C12orf57: variants seen among roughly 807,000 people sequenced by gnomAD.
C12orf57 encodes the protein protein C10.
In C12orf57, 14 loss-of-function variants were observed where a neutral mutation model predicts 11.3. That is an observed-to-expected ratio of 1.24 (90% CI 0.82 to 1.94). The LOEUF is 1.94. Among genes scored for constraint, C12orf57 ranks in the 30% most tolerant of loss-of-function variants. The pLI is 0.00. For missense variants in C12orf57, 229 were observed against 172.4 expected (o/e 1.33, Z -1.84); for synonymous variants, 100 against 74.6 (o/e 1.34, Z -1.76).
upstream of C12orf57, chr12:6,943,793 C>T (rs1341309613): frequency 1.6e-5 from 15 of 935,080 alleles, no homozygotes; most frequent in South Asian, 8.5e-5. Context: ...TATATCCCAT[C>T]TTCTCTCCAA....
rs782165395 is a variant in C12orf57 at position 6,945,900 on chromosome 12, G to A, written c.359G>A (p.Gly120Asp). Residue 120 changes from glycine (G) to aspartate (D), a missense_variant, in exon 3 of 3, where the codon GGT becomes GAT. By Grantham distance (94) the Gly-to-Asp change is moderately conservative. Coordinates refer to ENST00000229281, the MANE Select transcript of C12orf57 (RefSeq NM_138425.4). ...MTLPPHGPAA[G>D]GSVAAS Reference sequence around the variant, plus strand: ...CTGCCACCCCATGGGCCTGCTGCTGGTGGCAGCGTGGCCGCCTCCTGAGAG... The same window carrying A: ...CTGCCACCCCATGGGCCTGCTGCTGATGGCAGCGTGGCCGCCTCCTGAGAG... 4 of 1,612,584 alleles carry A rather than the reference G, an allele frequency of 2.5e-6. No individual in the cohort carries two copies. The South Asian group carries it at 4.4e-5, about 18-fold the overall frequency.
At chr12:6,944,222 A>G (rs1591673973) in intron 1 of C12orf57, 49 bp downstream of exon 1, 1 of 1,592,782 alleles carries the variant, frequency 6.3e-7, no homozygotes, top group East Asian at 2.2e-5. Context: ...GGGGTAGTCA[A>G]GGCATGGGCT....
chr12:6,943,815 G>C (rs61917871), upstream of C12orf57: 113 of 843,112 alleles, frequency 1.3e-4, no homozygotes, highest in South Asian at 4.5e-4. Context: ...CACATACGCA[G>C]CAGTGTTACA....
At chr12:6,943,892 T>A, upstream of C12orf57, 2 of 1,068,372 alleles carry the variant, frequency 1.9e-6, no homozygotes, top group Non-Finnish European at 2.6e-6. Flanking sequence ...ATGATGTTTG[T>A]TGCCAATGAT....
At chr12:6,944,907 C>T (rs913039734) in intron 2 of C12orf57, 92 of 1,369,844 alleles carry the variant, frequency 6.7e-5, no homozygotes, top group Non-Finnish European at 8.5e-5. Context: ...CGGGTTTTTT[C>T]AGATTTCGGA....
rs1469758495 is a variant in C12orf57 at position 6,945,016 on chromosome 12, G to A, written c.229+364G>A. The A allele has an allele frequency of 8.0e-6, 4 of 501,008 alleles. No homozygotes were observed. In the Admixed American group the frequency reaches 1.2e-4, roughly 15 times the overall value. The allele number at this position is 501,008 out of a possible 1,614,324, so 31.0% of individuals were successfully genotyped here. ...ACGCACCTTATGCACATAGCCTGAG[G>A]GTAATTTTATATAATAGTCTGAATA... On this transcript the variant is annotated intron_variant, in intron 2 of 2. Transcript: ENST00000229281.
At chr12:6,944,683 G>A in intron 2 of C12orf57, 31 bp downstream of exon 2, 2 of 1,602,366 alleles carry the variant, frequency 1.2e-6, no homozygotes, top group Admixed American at 3.3e-5. Flanking sequence ...CGGGTCAGAC[G>A]CGGGAAGGCG....
Position 6,944,031 on chromosome 12 carries a change from T to A in C12orf57, c.-91T>A. On this transcript the variant is annotated 5_prime_UTR_variant, in exon 1 of 3. Transcript: ENST00000229281. ...GCGCCGGATGCTGTTTCCTTTCCGC[T>A]CCCAGGGGCGTTGGGAACGGTTGTA... The A allele has an allele frequency of 6.2e-7, 1 of 1,608,482 alleles. No individual in the cohort carries two copies. Among genetic ancestry groups the A allele is most frequent in the Non-Finnish European group, 8.5e-7 (1 of 1,179,058 alleles).
At chr12:6,945,372 G>T (rs781969258) in intron 2 of C12orf57, among the ~76,000 whole-genome samples, 4 of 152,094 alleles carry the variant, frequency 2.6e-5, no homozygotes, top group Admixed American at 6.6e-5. Flanking sequence ...GTTTGGGGGG[G>T]GTTGGTGGTT....
chr12:6,944,041 G>T lies in C12orf57; in HGVS notation c.-81G>T, dbSNP rs919318955. 9.3e-6 allele frequency: 15 copies of T among 1,610,948 alleles called. No homozygotes were observed. The highest frequency in any genetic ancestry group is 2.2e-5 in the South Asian group (2 of 90,992). ...CTGTTTCCTTTCCGCTCCCAGGGGCGTTGGGAACGGTTGTAGGACGTGGCT... is the reference window on the plus strand; with the variant it reads ...CTGTTTCCTTTCCGCTCCCAGGGGCTTTGGGAACGGTTGTAGGACGTGGCT... On this transcript the variant is annotated 5_prime_UTR_variant, in exon 1 of 3. Coordinates refer to ENST00000229281, the MANE Select transcript of C12orf57 (RefSeq NM_138425.4).
At position 6,944,114 on chromosome 12, in the gene C12orf57, GA is replaced by G. The variant is rs781802135; in HGVS notation, c.-7del. On this transcript the variant is annotated 5_prime_UTR_variant, in exon 1 of 3. Transcript: ENST00000229281. The stretch of plus-strand genomic sequence containing the variant: ...TACCTCCGCTGAACCTAGAGCTTCA[GA>G]CGCCCTATGGCGTCCGCCTCGACCC... 7.7e-5 allele frequency: 124 copies of G among 1,614,108 alleles called. No individual in the cohort carries two copies. In the African/African-American group the frequency reaches 1.6e-3, roughly 20 times the overall value.
chr12:6,943,873 G>C (rs745850647), upstream of C12orf57: 3 of 965,960 alleles, frequency 3.1e-6, no homozygotes, highest in Admixed American at 3.1e-5. Context: ...TTACCGGAAA[G>C]CCCCTCTTAT....
chr12:6,945,232 G>A, intron 2 of C12orf57: 1 of 191,504 alleles, frequency 5.2e-6, no homozygotes, highest in South Asian at 9.4e-5. Context: ...TTGTGATGAG[G>A]AAGCAAACTC....
chr12:6,944,798 A>G (rs1555146191), intron 2 of C12orf57, 146 bp downstream of exon 2: 1 of 1,502,716 alleles, frequency 6.7e-7, no homozygotes, highest in Non-Finnish European at 8.9e-7. Flanking sequence ...CTTGGCACTC[A>G]GAGCCCAGGG....
chr12:6,943,791 ATCT>A, upstream of C12orf57: 4 of 936,048 alleles, frequency 4.3e-6, no homozygotes, highest in Non-Finnish European at 5.8e-6. Context: ...TTTATATCCC[ATCT>A]TCTCTCCAAA....
chr12:6,944,805 A>G (rs1425108968), intron 2 of C12orf57, 153 bp downstream of exon 2: 2 of 1,493,658 alleles, frequency 1.3e-6, no homozygotes, highest in South Asian at 2.6e-5. Flanking sequence ...CTCAGAGCCC[A>G]GGGTCTACCC....
chr12:6,943,644 C>G (rs1945684422), upstream of C12orf57: 5 of 1,287,874 alleles, frequency 3.9e-6, no homozygotes, highest in African/African-American at 3.0e-5. Context: ...TTCGCGAACT[C>G]TAGAAATGAA....
chr12:6,943,540 A>T, upstream of C12orf57: 1 of 1,288,002 alleles, frequency 7.8e-7, no homozygotes, highest in Non-Finnish European at 1.0e-6. Flanking sequence ...TGCCGAATCC[A>T]GGTCTCCGGG....
upstream of C12orf57, chr12:6,943,648 A>T (rs1008666597): frequency 7.8e-7 from 1 of 1,288,194 alleles, no homozygotes. Context: ...CGAACTCTAG[A>T]AATGAATGAC....
Sources: allele counts gnomAD v4.1 joint callset (sites outside exome capture counted in the v4.1 genomes callset), GRCh38; gene constraint gnomAD v4.1.1; transcripts MANE v1.5; gene names NCBI Gene and HGNC (gene_info 2026-07-23, HGNC 2026-07-21).